The following SYNE2 variants were observed in gnomAD, a reference collection of about 807,000 sequenced individuals.
The protein encoded by SYNE2 is nesprin-2.
A neutral mutation model predicts 856.3 loss-of-function variants in SYNE2; 431 were observed. The observed-to-expected ratio is 0.50, with a 90% confidence interval of 0.47 to 0.55. The LOEUF (loss-of-function observed/expected upper bound fraction) is 0.55. Ranked by LOEUF, SYNE2 falls within the 20% of genes least tolerant of loss-of-function variation. The pLI is 0.00. For synonymous variants in SYNE2, 2,923 were observed against 2,872.3 expected (o/e 1.02, Z -0.56); for missense variants, 8,129 against 8,023.2 (o/e 1.01, Z -0.50).
In SYNE2 at chr14:64,167,478, G is replaced by A; in HGVS notation, c.16761-17G>A. On this transcript the variant is annotated splice_polypyrimidine_tract_variant and intron_variant, in intron 91 of 115. Transcript: ENST00000555002. ...GGCATTGTTAACATGGGTGTGTTTT[G>A]TTTTAAACCTTTGTAGTGAGCTTCA... 6.2e-7 allele frequency: 1 copy of A among 1,614,200 alleles called. No individual in the cohort carries two copies. Among genetic ancestry groups the A allele is most frequent in the South Asian group, 1.1e-5 (1 of 91,088 alleles).
At chr14:63,889,964 C>G (rs1459686581) in intron 1 of SYNE2, among the ~76,000 whole-genome samples, 3 of 151,544 alleles carry the variant, frequency 2.0e-5, no homozygotes, top group Non-Finnish European at 4.4e-5. Context: ...CATTCAAATT[C>G]TTCTTGGCCT....
At chr14:64,129,032 G>T (rs1234168018) in intron 74 of SYNE2, among the ~76,000 whole-genome samples, 1 of 152,246 alleles carries the variant, frequency 6.6e-6, no homozygotes, top group African/African-American at 2.4e-5. Flanking sequence ...ATTTTGGCCA[G>T]GTTGGTGGCT....
chr14:64,050,141 C>G (rs2097214258), intron 47 of SYNE2, among the ~76,000 whole-genome samples: 1 of 152,178 alleles, frequency 6.6e-6, no homozygotes, highest in Admixed American at 6.5e-5. Flanking sequence ...GCAGAAGATT[C>G]AGCATCTGAC....
chr14:63,904,474 C>T (rs2095381007), intron 1 of SYNE2, among the ~76,000 whole-genome samples: 1 of 152,128 alleles, frequency 6.6e-6, no homozygotes, highest in African/African-American at 2.4e-5. Context: ...GCAGCCTCAC[C>T]AGCATCTGCT....
chr14:63,917,195 G>A (rs2095543568), intron 2 of SYNE2, among the ~76,000 whole-genome samples: 1 of 152,082 alleles, frequency 6.6e-6, no homozygotes, highest in African/African-American at 2.4e-5. Flanking sequence ...GATTAATGAA[G>A]AGTAAGAAAA....
chr14:63,851,510 G>A (rs997353400), upstream of SYNE2, among the ~76,000 whole-genome samples: 2 of 152,174 alleles, frequency 1.3e-5, no homozygotes, highest in Non-Finnish European at 2.9e-5. Flanking sequence ...AGGAATACAA[G>A]GAACTCTGCA....
In SYNE2 at chr14:63,812,019, A is replaced by G. The variant is rs943456895; in HGVS notation, c.-304-40482A>G. ...CGTGTTGTCTTGATAAACATCTTAA[A>G]CAACAGAAAACAGGGTTTGAGAGCA... is the stretch of plus-strand genomic sequence containing the variant. On this transcript the variant is annotated intron_variant, in intron 1 of 23. Coordinates refer to the SYNE2 transcript ENST00000674003. 3.3e-5 allele frequency among the ~76,000 whole-genome samples: 5 copies of G among 152,162 alleles called. No individual in the cohort carries two copies. The South Asian group carries it at 6.2e-4, about 19-fold the overall frequency.
rs2097946633 is a variant in SYNE2, at chr14:64,126,487, A to G, written c.13707+8A>G. 1.2e-6 allele frequency: 2 copies of G among 1,614,098 alleles called. No individual in the cohort carries two copies. The highest frequency in any genetic ancestry group is 1.6e-4 in the Middle Eastern group (1 of 6,062). ...CAGCAGGTGCACTACGAGGTAGGGC[A>G]CTTCTCACGAGCCCATGTGTTGGCC... On this transcript the variant is annotated splice_region_variant and intron_variant, in intron 72 of 115. Coordinates refer to ENST00000555002, the MANE Select transcript of SYNE2 (RefSeq NM_182914.3).
At chr14:63,808,125 G>A (rs1264875120) in intron 1 of SYNE2, among the ~76,000 whole-genome samples, 1 of 146,634 alleles carries the variant, frequency 6.8e-6, no homozygotes, top group African/African-American at 2.5e-5. Context: ...ATGAGGTTTT[G>A]CTATGTTGCC....
intron 49 of SYNE2, among the ~76,000 whole-genome samples, chr14:64,057,331 G>C (rs1245965734): frequency 2.0e-5 from 3 of 151,952 alleles, no homozygotes; most frequent in Admixed American, 6.6e-5. Flanking sequence ...GAATTCAATT[G>C]TTTTGATTAT....
Position 64,055,982 on chromosome 14 carries a change from T to C in SYNE2, c.9783T>C (p.Tyr3261=), listed in dbSNP as rs1259833112. 1.2e-6 allele frequency: 2 copies of C among 1,614,018 alleles called. No homozygotes were observed. Among genetic ancestry groups the C allele is most frequent in the Non-Finnish European group, 1.7e-6 (2 of 1,179,938 alleles). ...ATGCTTATGAAAATCTAACACGCTA[T>C]AAAGAAGCAGTCACCAGGGCAGTGG... ...LNDAYENLTR[Y]KEAVTRAVES... The change falls in exon 49 of 116, where the codon TAT becomes TAC. Residue 3261 remains tyrosine (Y), a synonymous_variant. Coordinates refer to ENST00000555002, the MANE Select transcript of SYNE2 (RefSeq NM_182914.3).
At chr14:64,079,561 A>G (rs1479299461) in intron 55 of SYNE2, among the ~76,000 whole-genome samples, 1 of 152,158 alleles carries the variant, frequency 6.6e-6, no homozygotes, top group Non-Finnish European at 1.5e-5. Flanking sequence ...AGAATTGAAT[A>G]TTTTACCTTT....
chr14:64,180,467 G>T (rs1272116865), intron 96 of SYNE2, among the ~76,000 whole-genome samples: 2 of 151,010 alleles, frequency 1.3e-5, no homozygotes, highest in Non-Finnish European at 1.5e-5. Flanking sequence ...ATTTCCCTTT[G>T]GTCATATTAT....
chr14:63,983,150 C>G (rs551050622), intron 17 of SYNE2, among the ~76,000 whole-genome samples: 2 of 152,148 alleles, frequency 1.3e-5, no homozygotes, highest in Non-Finnish European at 2.9e-5. Flanking sequence ...AGAATGTAAT[C>G]GTACTTCATT....
At chr14:63,997,202 G>C (rs1184433342) in intron 24 of SYNE2, 44 bp downstream of exon 24, 1 of 1,598,540 alleles carries the variant, frequency 6.3e-7, no homozygotes, top group South Asian at 1.1e-5. Context: ...ATAAAACGAA[G>C]CCTTTTGCAC....
chr14:64,082,945 A>G (rs1234411733), intron 57 of SYNE2, among the ~76,000 whole-genome samples: 1 of 152,166 alleles, frequency 6.6e-6, no homozygotes, highest in Non-Finnish European at 1.5e-5. Context: ...CATCTTCCGG[A>G]TGCTGAGTAC....
intron 1 of SYNE2, among the ~76,000 whole-genome samples, chr14:63,843,637 A>T (rs976219430): frequency 1.3e-4 from 20 of 152,216 alleles, no homozygotes; most frequent in Non-Finnish European, 2.4e-4. Flanking sequence ...ATGTTAAGGA[A>T]GTACCCAACA....
intron 2 of SYNE2, among the ~76,000 whole-genome samples, chr14:63,921,012 G>A (rs755458304): frequency 2.0e-5 from 3 of 152,132 alleles, no homozygotes; most frequent in Non-Finnish European, 4.4e-5. Flanking sequence ...CTACTCTGGA[G>A]GCCGAGACAG....
intron 25 of SYNE2, 122 bp downstream of exon 25, chr14:63,997,513 A>C: frequency 1.1e-6 from 1 of 876,514 alleles, no homozygotes. Flanking sequence ...ATCAATGGAG[A>C]ATTTCCACTT....
Sources: gnomAD v4.1 joint callset for allele counts (sites outside exome capture counted in the v4.1 genomes callset) on GRCh38, gnomAD v4.1.1 for gene constraint, MANE v1.5 for transcripts, NCBI Gene and HGNC (gene_info 2026-07-23, HGNC 2026-07-21) for gene names.